SESTD1: variants seen among roughly 807,000 people sequenced by gnomAD.
The protein encoded by SESTD1 is SEC14 and spectrin domain containing 1.
In SESTD1, 43 loss-of-function variants were observed where a neutral mutation model predicts 101.7. The observed-to-expected ratio is 0.42, with a 90% CI of 0.33 to 0.55. The LOEUF is 0.55. SESTD1 is among the 20% of genes least tolerant of loss of function. SESTD1 has a pLI of 0.07. For missense variants in SESTD1, 647 were observed against 815.1 expected (o/e 0.79, Z 2.51); for synonymous variants, 283 against 286.8 (o/e 0.99, Z 0.13).
intron 5 of SESTD1, among the ~76,000 whole-genome samples, chr2:179,164,377 TAAAC>T (rs1015282605): frequency 3.9e-5 from 6 of 152,152 alleles, no homozygotes; most frequent in African/African-American, 1.4e-4. Flanking sequence ...TAACATTAAA[TAAAC>T]AACACTTTAA....
intron 5 of SESTD1, among the ~76,000 whole-genome samples, chr2:179,152,615 T>C (rs2045552726): frequency 6.6e-6 from 1 of 152,070 alleles, no homozygotes; most frequent in Non-Finnish European, 1.5e-5. Flanking sequence ...GTATATGAAG[T>C]TATAATATCA....
At chr2:179,229,471 G>A (rs1377503035) in intron 1 of SESTD1, among the ~76,000 whole-genome samples, 1 of 151,812 alleles carries the variant, frequency 6.6e-6, no homozygotes, top group Non-Finnish European at 1.5e-5. Flanking sequence ...CAGATGGTGG[G>A]ACTTCTCAGC....
chr2:179,141,057 G>A (rs1196730997), intron 9 of SESTD1, among the ~76,000 whole-genome samples: 1 of 152,110 alleles, frequency 6.6e-6, no homozygotes, highest in Non-Finnish European at 1.5e-5. Flanking sequence ...TCACATCAAT[G>A]CTTTTAATTA....
chr2:179,254,446 C>T (rs77517173), intron 1 of SESTD1, among the ~76,000 whole-genome samples: 1 of 152,290 alleles, frequency 6.6e-6, no homozygotes, highest in African/African-American at 2.4e-5. Context: ...TCTCTCCCTG[C>T]AAAACCTAAC....
chr2:179,256,790 C>T (rs966106519), intron 1 of SESTD1, among the ~76,000 whole-genome samples: 6 of 135,422 alleles, frequency 4.4e-5, no homozygotes, highest in East Asian at 4.2e-4. Flanking sequence ...CCAGCCTAGG[C>T]GACAGAGCGA....
chr2:179,200,729 C>T (rs2046495753), intron 1 of SESTD1, among the ~76,000 whole-genome samples: 1 of 137,094 alleles, frequency 7.3e-6, no homozygotes, highest in Non-Finnish European at 1.6e-5. Flanking sequence ...ATGTAGAAAG[C>T]TGAAACTGGA....
intron 1 of SESTD1, among the ~76,000 whole-genome samples, chr2:179,256,021 C>CA (rs150797497): frequency 0.026 from 3,510 of 136,856 alleles, 56 homozygotes; most frequent in South Asian, 0.046. Flanking sequence ...GCTGCTCAGA[C>CA]AAAAAAAAAA....
chr2:179,221,593 TGGG>T (rs1283890848), intron 1 of SESTD1, among the ~76,000 whole-genome samples: 23 of 147,670 alleles, frequency 1.6e-4, no homozygotes, highest in African/African-American at 5.6e-4. Flanking sequence ...CACTCCAGCC[TGGG>T]TGACAGAGTG....
At chr2:179,138,656 A>C (rs1307636053) in intron 9 of SESTD1, among the ~76,000 whole-genome samples, 1 of 152,052 alleles carries the variant, frequency 6.6e-6, no homozygotes, top group East Asian at 1.9e-4. Context: ...CTTCACACAA[A>C]AAATACTTCT....
intron 1 of SESTD1, among the ~76,000 whole-genome samples, chr2:179,224,659 G>T (rs1167363628): frequency 6.6e-6 from 1 of 152,148 alleles, no homozygotes; most frequent in East Asian, 1.9e-4. Flanking sequence ...GAGAAGGAAA[G>T]AAGAGCTGAA....
chr2:179,211,906 T>G lies in SESTD1; in HGVS notation c.-25-20040A>C, dbSNP rs993059894. Among the ~76,000 whole-genome samples the G allele has an allele frequency of 3.0e-5, 4 of 133,222 alleles. 1 individual carries two copies. Among genetic ancestry groups the G allele is most frequent in the African/African-American group, 1.2e-4 (4 of 33,446 alleles). 87.4% of individuals were successfully genotyped at this position (133,222 alleles called of 152,430 possible). On this transcript the variant is annotated intron_variant, in intron 1 of 17. Coordinates refer to ENST00000428443, the MANE Select transcript of SESTD1 (RefSeq NM_178123.5). ...ATAAAAGACTACACACTGGGTTGAG[T>G]GCACATTGATCAAGTGATGGATGTA...
chr2:179,169,656 T>C (rs987599377), intron 5 of SESTD1, among the ~76,000 whole-genome samples: 1 of 151,964 alleles, frequency 6.6e-6, no homozygotes, highest in African/African-American at 2.4e-5. Flanking sequence ...ATAGAACACA[T>C]AGTGTGTCAC....
chr2:179,264,169 G>A (rs541539762), intron 1 of SESTD1: 4 of 152,302 alleles, frequency 2.6e-5, no homozygotes, highest in East Asian at 3.9e-4. Flanking sequence ...GGGCGCTCAG[G>A]AACGGAAAAG....
intron 1 of SESTD1, among the ~76,000 whole-genome samples, chr2:179,225,675 G>A (rs1172575343): frequency 6.6e-6 from 1 of 152,118 alleles, no homozygotes; most frequent in Non-Finnish European, 1.5e-5. Context: ...TCGTCTAGGT[G>A]TCCTCACATT....
intron 1 of SESTD1, among the ~76,000 whole-genome samples, chr2:179,242,500 T>C (rs1559158725): frequency 2.6e-5 from 4 of 152,128 alleles, no homozygotes; most frequent in Non-Finnish European, 4.4e-5. Flanking sequence ...ACGACCCAAG[T>C]ACCCAAAGCA....
Position 179,171,031 on chromosome 2 carries a change from T to C in SESTD1, c.369+1089A>G, listed in dbSNP as rs565016399. ...CAAATTACTAAACCTGAGAAGGGGC[T>C]TGTGAGTACAGAAACAGTTTTCCTA... On this transcript the variant is annotated intron_variant, in intron 5 of 17. Coordinates refer to ENST00000428443, the MANE Select transcript of SESTD1 (RefSeq NM_178123.5). Among the ~76,000 whole-genome samples, 3 of 152,292 alleles carry C rather than the reference T, an allele frequency of 2.0e-5. No homozygotes were observed. In the South Asian group the frequency reaches 6.2e-4, roughly 32 times the overall value.
intron 8 of SESTD1, among the ~76,000 whole-genome samples, 191 bp from the exon 9 acceptor site, chr2:179,143,994 GTA>G (rs889558112): frequency 6.6e-6 from 1 of 151,914 alleles, no homozygotes; most frequent in African/African-American, 2.4e-5. Context: ...ATATATGTGT[GTA>G]TGTGTGTGTA....
chr2:179,125,916 G>A (rs956519559), intron 10 of SESTD1, among the ~76,000 whole-genome samples: 6 of 151,964 alleles, frequency 3.9e-5, no homozygotes, highest in Non-Finnish European at 8.8e-5. Flanking sequence ...ATAATCAGCC[G>A]CCTGTCTCTT....
At chr2:179,152,239 A>G (rs2045544975) in intron 5 of SESTD1, among the ~76,000 whole-genome samples, 1 of 152,250 alleles carries the variant, frequency 6.6e-6, no homozygotes, top group Admixed American at 6.5e-5. Context: ...GCAAAATTAT[A>G]ACTTTTTCTG....
Sources: allele counts gnomAD v4.1 joint callset (sites outside exome capture counted in the v4.1 genomes callset), GRCh38; gene constraint gnomAD v4.1.1; transcripts MANE v1.5; gene names NCBI Gene and HGNC (gene_info 2026-07-23, HGNC 2026-07-21).